Variants in KDM1B observed in about 807,000 individuals in gnomAD.
KDM1B encodes lysine demethylase 1B.
Under a neutral mutation model 107.4 loss-of-function variants are expected in KDM1B, and 63 were observed. That is an observed-to-expected ratio of 0.59 (90% CI 0.48 to 0.72). The LOEUF is 0.72. Ranked by LOEUF, KDM1B falls within the 30% of genes least tolerant of loss-of-function variation. KDM1B has a pLI of 0.00. For missense variants in KDM1B, 749 were observed against 1,020.8 expected, an observed-to-expected ratio of 0.73 and a Z score of 3.63; for synonymous variants, 363 against 363.9, an observed-to-expected ratio of 1.00 and a Z score of 0.03.
chr6:18,205,440 G>A lies in KDM1B; in HGVS notation c.1532-97G>A. The A allele has an allele frequency of 8.5e-7, 1 of 1,169,874 alleles. No individual in the cohort carries two copies. The highest frequency in any genetic ancestry group is 1.2e-6 in the Non-Finnish European group (1 of 846,084). The allele number at this position is 1,169,874 out of a possible 1,614,324, so 72.5% of individuals were successfully genotyped here. ...CTTGGGAAAAGACTTTGGAAGTTTT[G>A]GGTGTTGCTGGGTGACAGAGGTTGA... is the stretch of plus-strand genomic sequence containing the variant. On this transcript the variant is annotated intron_variant, in intron 14 of 21. Transcript: ENST00000650836. The surrounding 1 kb of genome is among the most constrained non-coding windows in gnomAD (Gnocchi z 5.7).
chr6:18,216,424 A>G (rs548525628), intron 20 of KDM1B, among the ~76,000 whole-genome samples: 103 of 152,282 alleles, frequency 6.8e-4, no homozygotes, highest in African/African-American at 1.9e-3. Flanking sequence ...TAATGATGCA[A>G]TCCCTTGCTT....
chr6:18,181,790 TAAAA>T (rs1312770472), intron 7 of KDM1B, among the ~76,000 whole-genome samples: 1 of 151,688 alleles, frequency 6.6e-6, no homozygotes, highest in Non-Finnish European at 1.5e-5. Context: ...CTTGAAAAAA[TAAAA>T]AAAACAAACT....
In KDM1B at chr6:18,159,847, A is replaced by T; in HGVS notation, c.-13-36A>T. 9.4e-7 allele frequency: 1 copy of T among 1,067,094 alleles called. No individual in the cohort carries two copies. The highest frequency in any genetic ancestry group is 2.4e-5 in the East Asian group (1 of 42,258). The allele number at this position is 1,067,094 out of a possible 1,614,324, so 66.1% of individuals were successfully genotyped here. A position where few individuals can be genotyped will look rare whatever the true frequency, so the allele number is the denominator to read the frequency against. ...TCCAGACTGTTAAAAATATTTGCAG[A>T]TGCTAATATTTAATGGTCTGATTTT... On this transcript the variant is annotated intron_variant, in intron 2 of 21. Transcript: ENST00000650836. The surrounding 1 kb of genome is among the most constrained non-coding windows in gnomAD (Gnocchi z 4.5).
chr6:18,193,410 G>A (rs1220032449), intron 10 of KDM1B, among the ~76,000 whole-genome samples: 1 of 146,892 alleles, frequency 6.8e-6, no homozygotes, highest in Non-Finnish European at 1.5e-5. Flanking sequence ...AGTCTCAGGT[G>A]ATTCTCCCAT....
intron 7 of KDM1B, among the ~76,000 whole-genome samples, chr6:18,184,404 A>G (rs1209468162): frequency 6.7e-6 from 1 of 149,516 alleles, no homozygotes; most frequent in Non-Finnish European, 1.5e-5. Context: ...CCTCCCAAGT[A>G]CCTGGGATTA....
In KDM1B at chr6:18,214,881, G is replaced by A. The variant is rs1789101180; in HGVS notation, c.2110-126G>A. 1.1e-6 allele frequency: 1 copy of A among 915,346 alleles called. No homozygotes were observed. The highest frequency in any genetic ancestry group is 2.4e-4 in the Middle Eastern group (1 of 4,230). The allele number at this position is 915,346 out of a possible 1,614,324, so 56.7% of individuals were successfully genotyped here. A position where few individuals can be genotyped will look rare whatever the true frequency, so the allele number is the denominator to read the frequency against. ...GCCAAGATTGCACCATTGCACTCCA[G>A]CCTGGGTGACAGAGCAAAACTCTGT... On this transcript the variant is annotated intron_variant, in intron 19 of 21. Coordinates refer to ENST00000650836, the MANE Select transcript of KDM1B (RefSeq NM_001364614.2). The surrounding 1 kb of genome is among the most constrained non-coding windows in gnomAD (Gnocchi z 4.4).
At chr6:18,165,650 C>T (rs1785250308) in intron 5 of KDM1B, among the ~76,000 whole-genome samples, 1 of 151,978 alleles carries the variant, frequency 6.6e-6, no homozygotes, top group African/African-American at 2.4e-5. Context: ...TGACGAAACC[C>T]CATCTCTACT....
chr6:18,169,363 T>C (rs1785510351), intron 6 of KDM1B, among the ~76,000 whole-genome samples: 1 of 151,516 alleles, frequency 6.6e-6, no homozygotes, highest in Admixed American at 6.6e-5. Context: ...GCCTCCCAAG[T>C]AGCTGGGATT....
chr6:18,161,502 T>C (rs1245296803), intron 4 of KDM1B, 48 bp downstream of exon 4: 11 of 1,602,586 alleles, frequency 6.9e-6, no homozygotes, highest in Admixed American at 6.8e-5. Flanking sequence ...TTGTGAGAAG[T>C]TCTTTGTGGA....
intron 5 of KDM1B, among the ~76,000 whole-genome samples, chr6:18,163,947 A>G (rs1224224334): frequency 8.2e-6 from 1 of 122,600 alleles, no homozygotes; most frequent in Admixed American, 9.4e-5. Flanking sequence ...TTGATAGTGC[A>G]GTTCAGGTCA....
At chr6:18,221,363 ATTG>A (rs1435513651) in intron 21 of KDM1B, among the ~76,000 whole-genome samples, 1 of 152,028 alleles carries the variant, frequency 6.6e-6, no homozygotes, top group African/African-American at 2.4e-5. Flanking sequence ...TGGTTTGCTT[ATTG>A]TTCCCACCAT....
At chr6:18,179,384 T>C (rs187235199) in intron 7 of KDM1B, among the ~76,000 whole-genome samples, 2 of 152,362 alleles carry the variant, frequency 1.3e-5, no homozygotes, top group East Asian at 3.9e-4. Flanking sequence ...CGGGTTCTGC[T>C]TTCAGAGTTA....
chr6:18,166,170 T>TA, intron 5 of KDM1B, 97 bp from the exon 6 acceptor site: 1 of 628,078 alleles, frequency 1.6e-6, no homozygotes. Flanking sequence ...TTATGTTTGT[T>TA]ACGTAAGATT....
chr6:18,178,195 G>C (rs1019948375), intron 7 of KDM1B, among the ~76,000 whole-genome samples: 1 of 152,016 alleles, frequency 6.6e-6, no homozygotes, highest in African/African-American at 2.4e-5. Flanking sequence ...CAATTCTCCT[G>C]CCTCAGCCTC....
chr6:18,197,689 A>G lies in KDM1B; in HGVS notation c.1221+28A>G. The G allele has an allele frequency of 6.4e-7, 1 of 1,556,898 alleles. No homozygotes were observed. The highest frequency in any genetic ancestry group is 8.8e-7 in the Non-Finnish European group (1 of 1,133,670). ...AGGATTTTGGGGACATGGAGTTAGA[A>G]CAGATGGTTGACTGCTCCTTTTGGT... is the stretch of plus-strand genomic sequence containing the variant. On this transcript the variant is annotated intron_variant, in intron 12 of 21. Coordinates refer to ENST00000650836, the MANE Select transcript of KDM1B (RefSeq NM_001364614.2). This position sits in a 1 kb window ranked among gnomAD's most constrained non-coding sequence, Gnocchi z 4.5.
At chr6:18,177,893 G>A (rs781667980) in intron 7 of KDM1B, among the ~76,000 whole-genome samples, 1 of 152,102 alleles carries the variant, frequency 6.6e-6, no homozygotes, top group African/African-American at 2.4e-5. Context: ...TTACTATGTG[G>A]TTCCTTACAG....
At chr6:18,195,733 C>CAA (rs774459443) in intron 10 of KDM1B, among the ~76,000 whole-genome samples, 11 of 107,872 alleles carry the variant, frequency 1.0e-4, no homozygotes, top group Non-Finnish European at 1.7e-4. Flanking sequence ...AACTCCATAT[C>CAA]AAAAAAAAAA....
intron 2 of KDM1B, among the ~76,000 whole-genome samples, chr6:18,157,116 C>G (rs539578098): frequency 6.6e-6 from 1 of 152,072 alleles, no homozygotes; most frequent in East Asian, 1.9e-4. Context: ...GAGCATGAAA[C>G]CAATTGGTTA....
intron 21 of KDM1B, among the ~76,000 whole-genome samples, chr6:18,218,892 A>G: frequency 6.6e-6 from 1 of 151,870 alleles, no homozygotes; most frequent in Middle Eastern, 3.4e-3. Context: ...TAATTTAATT[A>G]TTTTATTTTA....
Sources: allele counts gnomAD v4.1 joint callset (sites outside exome capture counted in the v4.1 genomes callset), GRCh38; gene constraint gnomAD v4.1.1; non-coding constraint Gnocchi (gnomAD v3.1); transcripts MANE v1.5; gene names NCBI Gene and HGNC (gene_info 2026-07-23, HGNC 2026-07-21).